LAMA3: variants seen among roughly 807,000 people sequenced by gnomAD.
LAMA3 encodes the protein laminin subunit alpha-3.
A neutral mutation model predicts 402.0 loss-of-function variants in LAMA3; 281 were observed. The ratio of observed to expected loss-of-function variants is 0.70; its 90% CI spans 0.63 to 0.77. LAMA3 has a LOEUF of 0.77. Among genes scored for constraint, LAMA3 ranks in the 30% least tolerant of loss-of-function variants. LAMA3 has a pLI of 0.00. For synonymous variants in LAMA3, 1,431 were observed against 1,558.4 expected (o/e 0.92, Z 1.93); for missense variants, 3,840 against 4,215.5 (o/e 0.91, Z 2.47).
chr18:23,879,678 G>A lies in LAMA3; in HGVS notation c.5113-2258G>A, dbSNP rs7504752. On this transcript the variant is annotated intron_variant, in intron 39 of 74. Coordinates refer to ENST00000313654, the MANE Select transcript of LAMA3 (RefSeq NM_198129.4). This position sits in a 1 kb window ranked among gnomAD's most constrained non-coding sequence, Gnocchi z 4.2. Reference sequence around the variant, plus strand: ...GCATTCGTTCATTTATTTATTCACAGTAAAACACAAGGAACCTGAAGGGAG... The same window carrying A: ...GCATTCGTTCATTTATTTATTCACAATAAAACACAAGGAACCTGAAGGGAG... Among the ~76,000 whole-genome samples the A allele has an allele frequency of 3.3e-5, 5 of 152,214 alleles. No homozygotes were observed. Among genetic ancestry groups the A allele is most frequent in the Admixed American group, 3.3e-4 (5 of 15,276 alleles).
rs1057182277 is a variant in LAMA3 at position 23,918,728 on chromosome 18, A to C, written c.7923+2033A>C. On this transcript the variant is annotated intron_variant, in intron 60 of 74. Coordinates refer to ENST00000313654, the MANE Select transcript of LAMA3 (RefSeq NM_198129.4). This position sits in a 1 kb window ranked among gnomAD's most constrained non-coding sequence, Gnocchi z 4.1. The stretch of plus-strand genomic sequence containing the variant: ...AATAGGAGCTTCTGTAGTTGCTCTC[A>C]CGGAGTATTTCTGAAGAAATGTGGA... Among the ~76,000 whole-genome samples the C allele has an allele frequency of 6.6e-6, 1 of 152,206 alleles. No homozygotes were observed. Among genetic ancestry groups the C allele is most frequent in the Non-Finnish European group, 1.5e-5 (1 of 68,034 alleles).
chr18:23,815,997 C>G (rs2063168170), intron 17 of LAMA3, among the ~76,000 whole-genome samples: 1 of 152,204 alleles, frequency 6.6e-6, no homozygotes, highest in African/African-American at 2.4e-5. Context: ...CCCTGGTTAT[C>G]ACATGTTCTT....
chr18:23,905,742 A>T, intron 52 of LAMA3, 118 bp downstream of exon 52: 1 of 570,290 alleles, frequency 1.8e-6, no homozygotes, highest in Non-Finnish European at 3.2e-6. Flanking sequence ...AATGCAGATG[A>T]TACCCTTTAT....
chr18:23,761,670 C>T (rs1431116676), intron 7 of LAMA3, among the ~76,000 whole-genome samples: 4 of 151,992 alleles, frequency 2.6e-5, no homozygotes, highest in Non-Finnish European at 5.9e-5. Flanking sequence ...ATATTCTCTT[C>T]GTGCATGAAG....
chr18:23,892,187 G>C (rs1466229961), intron 42 of LAMA3, among the ~76,000 whole-genome samples: 1 of 152,180 alleles, frequency 6.6e-6, no homozygotes, highest in Non-Finnish European at 1.5e-5. Flanking sequence ...CCTGTCACTG[G>C]AGGTATTCAA....
At chr18:23,818,504 A>G (rs1458363621) in intron 18 of LAMA3, among the ~76,000 whole-genome samples, 2 of 152,204 alleles carry the variant, frequency 1.3e-5, no homozygotes, top group Non-Finnish European at 2.9e-5. Context: ...ATCCTTTTGT[A>G]CTAAATTCCC....
intron 37 of LAMA3, among the ~76,000 whole-genome samples, chr18:23,869,511 G>T (rs552806054): frequency 4.5e-4 from 68 of 152,238 alleles, no homozygotes; most frequent in African/African-American, 1.3e-3. Flanking sequence ...ATTACAAATT[G>T]TATGCTTAAA....
At chr18:23,777,006 A>G (rs2062336419) in intron 10 of LAMA3, among the ~76,000 whole-genome samples, 2 of 151,862 alleles carry the variant, frequency 1.3e-5, no homozygotes, top group South Asian at 2.1e-4. Context: ...ACGCCTGGCT[A>G]ATTTTGTATT....
intron 24 of LAMA3, among the ~76,000 whole-genome samples, chr18:23,835,662 C>G (rs1001002006): frequency 6.6e-6 from 1 of 152,308 alleles, no homozygotes; most frequent in Admixed American, 6.5e-5. Context: ...AATACTTCCT[C>G]TTTCTCTTCC....
At chr18:23,830,734 G>T (rs900311578) in intron 23 of LAMA3, among the ~76,000 whole-genome samples, 3 of 152,116 alleles carry the variant, frequency 2.0e-5, no homozygotes, top group African/African-American at 4.8e-5. Flanking sequence ...GTTAGAATTT[G>T]TCAATGCTCA....
chr18:23,852,525 CA>C (rs2063969610), intron 32 of LAMA3, among the ~76,000 whole-genome samples: 1 of 152,106 alleles, frequency 6.6e-6, no homozygotes, highest in South Asian at 2.1e-4. Flanking sequence ...TTTTGTTGCT[CA>C]AAGTGCATCT....
chr18:23,703,096 C>T (rs1341053354), intron 1 of LAMA3, among the ~76,000 whole-genome samples: 1 of 152,190 alleles, frequency 6.6e-6, no homozygotes, highest in African/African-American at 2.4e-5. Flanking sequence ...ATGTGCCAGT[C>T]GTCACTGCCT....
In LAMA3 at chr18:23,943,793, A is replaced by T. The variant is rs1300369214; in HGVS notation, c.9032A>T (p.Gln3011Leu). 4 of 1,613,916 alleles carry T rather than the reference A, an allele frequency of 2.5e-6. 1 individual carries two copies. In the South Asian group the frequency reaches 4.4e-5, roughly 18 times the overall value. ...ATCGCCGATGTTCCCAACAGGTCAC[A>T]GTTTGCTGTGGACATGCAGACAACA... Reference protein sequence around the residue: ...LPQELLKPRSQFAVDMQTTSS... With the variant: ...LPQELLKPRSLFAVDMQTTSS... Residue 3011 changes from glutamine (Q) to leucine (L), a missense_variant, in exon 69 of 75, where the codon CAG (glutamine) becomes CTG (leucine). Coordinates refer to ENST00000313654, the MANE Select transcript of LAMA3 (RefSeq NM_198129.4).
intron 9 of LAMA3, among the ~76,000 whole-genome samples, chr18:23,775,510 G>C (rs539785408): frequency 1.9e-3 from 289 of 151,514 alleles, no homozygotes; most frequent in Non-Finnish European, 3.3e-3. Context: ...TAGCATGCAG[G>C]CTTTGCCTCT....
At chr18:23,769,743 G>A (rs1197399716) in intron 8 of LAMA3, among the ~76,000 whole-genome samples, 1 of 152,166 alleles carries the variant, frequency 6.6e-6, no homozygotes. Context: ...GATACAAATA[G>A]TGGTAGACCC....
At chr18:23,910,203 CAGCTGTTTAACCA>C (rs1433235800) in intron 55 of LAMA3, among the ~76,000 whole-genome samples, 1 of 152,200 alleles carries the variant, frequency 6.6e-6, no homozygotes, top group African/African-American at 2.4e-5. Flanking sequence ...CAGTGGTTAA[CAGCTGTTTAACCA>C]AGCCAGACTG....
chr18:23,784,478 C>T (rs370023740), intron 12 of LAMA3, among the ~76,000 whole-genome samples: 11 of 152,170 alleles, frequency 7.2e-5, no homozygotes, highest in Middle Eastern at 3.4e-3. Context: ...CCTGTTGGGG[C>T]GGGTCTCCAG....
rs762861196 is a variant in LAMA3, at chr18:23,928,138, G to C, written c.8193G>C (p.Thr2731=). The stretch of plus-strand genomic sequence containing the variant: ...TCGTAATCAGATTTAACATTTCTAC[G>C]CCTGCTTTCCGAGGCTGCATGAAAA... ...IAIRERFNIS[T]PAFRGCMKNL... is the part of the protein sequence containing the mutation. The change falls in exon 63 of 75, where the codon ACG becomes ACC. Residue 2731 remains threonine (T), a synonymous_variant. Transcript: ENST00000313654. The C allele has an allele frequency of 1.8e-5, 29 of 1,612,186 alleles. No individual in the cohort carries two copies. The East Asian group carries it at 2.5e-4, about 14-fold the overall frequency.
At chr18:23,745,191 G>A (rs1302664112) in intron 2 of LAMA3, among the ~76,000 whole-genome samples, 1 of 151,978 alleles carries the variant, frequency 6.6e-6, no homozygotes, top group East Asian at 1.9e-4. Context: ...GTGTGTGTGT[G>A]TGTGTGTAGA....
Sources: allele counts gnomAD v4.1 joint callset (sites outside exome capture counted in the v4.1 genomes callset), GRCh38; gene constraint gnomAD v4.1.1; non-coding constraint Gnocchi (gnomAD v3.1); transcripts MANE v1.5; gene names NCBI Gene and HGNC (gene_info 2026-07-23, HGNC 2026-07-21).